UBL7: variants seen among roughly 807,000 people sequenced by gnomAD.
UBL7 encodes ubiquitin like 7.
In UBL7, 21 loss-of-function variants were observed where a neutral mutation model predicts 41.7. That is an observed-to-expected ratio of 0.50 (90% CI 0.36 to 0.73). The LOEUF is 0.73. Among genes scored for constraint, UBL7 ranks in the 30% least tolerant of loss-of-function variants. UBL7 has a pLI of 0.00. For synonymous variants in UBL7, 157 were observed against 186.9 expected, an observed-to-expected ratio of 0.84 and a Z score of 1.31; for missense variants, 403 against 478.4, an observed-to-expected ratio of 0.84 and a Z score of 1.47.
chr15:74,449,254 G>C lies in UBL7; in HGVS notation c.814C>G (p.Leu272Val). 3 of 1,610,988 alleles carry C rather than the reference G, an allele frequency of 1.9e-6. No homozygotes were observed. Among genetic ancestry groups the C allele is most frequent in the Non-Finnish European group, 2.5e-6 (3 of 1,178,858 alleles). ...CTGGCCAGGGCCAAGGCGGTGGCCAGCTCACTCTGGGTGATGGGCCGGGGC... is the reference window on the plus strand; with the variant it reads ...CTGGCCAGGGCCAAGGCGGTGGCCACCTCACTCTGGGTGATGGGCCGGGGC... ...AGPRPITQSE[L>V]ATALALASTP... Residue 272 changes from leucine to valine, a missense_variant, in exon 9 of 11, where the codon CTG becomes GTG. Physicochemically the swap from Leu to Val is conservative, Grantham distance 32 (BLOSUM62 1). Transcript: ENST00000395081.
At chr15:74,449,717 G>A in intron 7 of UBL7, 42 bp from the exon 8 acceptor site, 1 of 1,612,030 alleles carries the variant, frequency 6.2e-7, no homozygotes. Context: ...GAACAGAAAG[G>A]CACAGGCGCA....
intron 2 of UBL7, among the ~76,000 whole-genome samples, chr15:74,458,390 G>A (rs566001097): frequency 1.3e-4 from 19 of 151,996 alleles, no homozygotes; most frequent in East Asian, 3.9e-4. Context: ...AGCCGAGATC[G>A]CACCACTGCA....
intron 10 of UBL7, among the ~76,000 whole-genome samples, chr15:74,447,423 C>T (rs1003375587): frequency 2.0e-5 from 3 of 152,160 alleles, no homozygotes; most frequent in Non-Finnish European, 4.4e-5. Flanking sequence ...CTCCCATGGG[C>T]CAGGTGTGGT....
intron 3 of UBL7, among the ~76,000 whole-genome samples, chr15:74,455,920 C>G (rs974960350): frequency 1.2e-4 from 19 of 152,052 alleles, no homozygotes; most frequent in African/African-American, 4.6e-4. Context: ...GTCAGGAGAT[C>G]GAGACCATCC....
At chr15:74,453,330 G>A (rs1286025015) in intron 3 of UBL7, among the ~76,000 whole-genome samples, 1 of 152,190 alleles carries the variant, frequency 6.6e-6, no homozygotes, top group Admixed American at 6.5e-5. Flanking sequence ...CTTAGGGCAG[G>A]AGGAGAAATG....
At position 74,451,943 on chromosome 15, in the gene UBL7, G is replaced by A. The variant is rs546088248; in HGVS notation, c.387+353C>T. On this transcript the variant is annotated intron_variant, in intron 4 of 10. Coordinates refer to ENST00000395081, the MANE Select transcript of UBL7 (RefSeq NM_032907.5). ...AATTTTGCCTCTCAACTCTCCTACA[G>A]AAAGACATCAGCCCACTTCCCCAGT... 2.6e-5 allele frequency among the ~76,000 whole-genome samples: 4 copies of A among 152,280 alleles called. No homozygotes were observed. In the South Asian group the frequency reaches 8.3e-4, roughly 32 times the overall value.
chr15:74,455,067 A>G (rs779900578), intron 3 of UBL7, among the ~76,000 whole-genome samples: 6 of 152,222 alleles, frequency 3.9e-5, no homozygotes, highest in Non-Finnish European at 8.8e-5. Context: ...CATGATCCCC[A>G]AAAGGATTCC....
At chr15:74,451,756 G>A (rs2061248511) in intron 4 of UBL7, among the ~76,000 whole-genome samples, 1 of 150,994 alleles carries the variant, frequency 6.6e-6, no homozygotes, top group Non-Finnish European at 1.5e-5. Context: ...TCAAATCTCT[G>A]TGCTCCTTTT....
chr15:74,447,370 T>C (rs1005651932), intron 10 of UBL7, among the ~76,000 whole-genome samples: 1 of 152,142 alleles, frequency 6.6e-6, no homozygotes, highest in Non-Finnish European at 1.5e-5. Context: ...GCCCCTCAGG[T>C]ATTCCACTTA....
chr15:74,460,115 G>A (rs1412710336), intron 1 of UBL7, among the ~76,000 whole-genome samples: 3 of 151,664 alleles, frequency 2.0e-5, no homozygotes, highest in Non-Finnish European at 4.4e-5. Context: ...GGTGGCAGGC[G>A]CTTGTAATCC....
chr15:74,449,865 G>C, intron 7 of UBL7, 71 bp downstream of exon 7: 1 of 1,560,106 alleles, frequency 6.4e-7, no homozygotes, highest in Non-Finnish European at 8.7e-7. Context: ...ATACATAGCT[G>C]CTGAGTAAAG....
chr15:74,457,476 G>A (rs2061305453), intron 2 of UBL7, among the ~76,000 whole-genome samples: 1 of 152,244 alleles, frequency 6.6e-6, no homozygotes, highest in East Asian at 1.9e-4. Context: ...CCAGGAGGCG[G>A]AGGTTGCAGT....
At chr15:74,452,665 G>C (rs1012789193) in intron 3 of UBL7, among the ~76,000 whole-genome samples, 1 of 152,192 alleles carries the variant, frequency 6.6e-6, no homozygotes, top group Non-Finnish European at 1.5e-5. Context: ...ACGGTGCTCT[G>C]ATCAACATAC....
intron 6 of UBL7, 38 bp from the exon 7 acceptor site, chr15:74,450,107 A>G (rs1032483555): frequency 1.9e-6 from 3 of 1,580,618 alleles, no homozygotes; most frequent in South Asian, 1.1e-5. Flanking sequence ...GGGTGACTCC[A>G]AAAGAGCACC....
At chr15:74,456,495 C>G in intron 3 of UBL7, 57 bp downstream of exon 3, 1 of 1,603,000 alleles carries the variant, frequency 6.2e-7, no homozygotes, top group Non-Finnish European at 8.5e-7. Flanking sequence ...ACACACAGAT[C>G]CTTCCCTTGC....
intron 7 of UBL7, 34 bp from the exon 8 acceptor site, chr15:74,449,709 A>G: frequency 6.2e-7 from 1 of 1,613,472 alleles, no homozygotes; most frequent in South Asian, 1.1e-5. Context: ...AGGAGGAAGA[A>G]CAGAAAGGCA....
Position 74,449,595 on chromosome 15 carries a change from A to G in UBL7, c.714+31T>C, listed in dbSNP as rs562436507. On this transcript the variant is annotated intron_variant, in intron 8 of 10. Transcript: ENST00000395081. The stretch of plus-strand genomic sequence containing the variant: ...CCCAGCACCATCTCCCCCACATGTC[A>G]GCATGTCAGGCAGGCAGGCAGGCCA... 76 of 1,614,016 alleles carry G rather than the reference A, an allele frequency of 4.7e-5. No homozygotes were observed. The African/African-American group carries it at 4.8e-4, about 10-fold the overall frequency.
At chr15:74,447,912 G>A (rs550708760) in intron 10 of UBL7, among the ~76,000 whole-genome samples, 1 of 152,258 alleles carries the variant, frequency 6.6e-6, no homozygotes, top group Non-Finnish European at 1.5e-5. Flanking sequence ...CCACACATGT[G>A]CACAAACAGG....
chr15:74,446,808 C>T lies in UBL7; in HGVS notation c.1006-581G>A, dbSNP rs1426727067. Among the ~76,000 whole-genome samples the T allele has an allele frequency of 9.2e-5, 14 of 152,124 alleles. No homozygotes were observed. Among genetic ancestry groups the T allele is most frequent in the East Asian group, 1.9e-4 (1 of 5,202 alleles). Reference sequence around the variant, plus strand: ...GGATACTGAGTTTCAGCCAAGAAAGCCCTTCCCTACTATAAGGATTTGAAG... The same window carrying T: ...GGATACTGAGTTTCAGCCAAGAAAGTCCTTCCCTACTATAAGGATTTGAAG... On this transcript the variant is annotated intron_variant, in intron 10 of 10. Coordinates refer to ENST00000395081, the MANE Select transcript of UBL7 (RefSeq NM_032907.5). The surrounding 1 kb of genome is among the most constrained non-coding windows in gnomAD (Gnocchi z 4.1).
Sources: gnomAD v4.1 joint callset for allele counts (sites outside exome capture counted in the v4.1 genomes callset) on GRCh38, gnomAD v4.1.1 for gene constraint, Gnocchi (gnomAD v3.1) non-coding constraint, MANE v1.5 for transcripts, NCBI Gene and HGNC (gene_info 2026-07-23, HGNC 2026-07-21) for gene names.